JAK1: variants seen among roughly 807,000 people sequenced by gnomAD.
JAK1 encodes the protein tyrosine-protein kinase JAK1.
JAK1 carries 16 observed loss-of-function variants against 136.6 expected under a neutral mutation model. The ratio of observed to expected loss-of-function variants is 0.12; its 90% CI spans 0.08 to 0.18. The LOEUF (loss-of-function observed/expected upper bound fraction) is 0.18. JAK1 is among the 10% of genes least tolerant of loss of function. The pLI is 1.00. For missense variants in JAK1, 859 were observed against 1,450.1 expected, an observed-to-expected ratio of 0.59 and a Z score of 6.62; for synonymous variants, 492 against 519.5, an observed-to-expected ratio of 0.95 and a Z score of 0.72.
intron 1 of JAK1, among the ~76,000 whole-genome samples, chr1:64,926,641 C>A (rs1397412885): frequency 6.6e-6 from 1 of 152,126 alleles, no homozygotes; most frequent in African/African-American, 2.4e-5. Flanking sequence ...CCATTCTATA[C>A]ACATTTTGTT....
At position 64,844,612 on chromosome 1, in the gene JAK1, C is replaced by T. The variant is rs1016367566; in HGVS notation, c.2251+142G>A. 3.1e-6 allele frequency: 3 copies of T among 980,440 alleles called. No individual in the cohort carries two copies. The Admixed American group carries it at 7.4e-5, about 24-fold the overall frequency. The allele number at this position is 980,440 out of a possible 1,614,324, so 60.7% of individuals were successfully genotyped here. On this transcript the variant is annotated intron_variant, in intron 16 of 24. Coordinates refer to ENST00000342505, the MANE Select transcript of JAK1 (RefSeq NM_002227.4). The surrounding 1 kb of genome is among the most constrained non-coding windows in gnomAD (Gnocchi z 5.7). Reference sequence around the variant, plus strand: ...AGGCAGGAGATCAAGACCATCCTGGCCAACATGGTGAAACCCCGTCTCTAC... The same window carrying T: ...AGGCAGGAGATCAAGACCATCCTGGTCAACATGGTGAAACCCCGTCTCTAC...
chr1:64,930,035 G>T (rs1007289378), intron 1 of JAK1, among the ~76,000 whole-genome samples: 2 of 152,154 alleles, frequency 1.3e-5, no homozygotes, highest in Non-Finnish European at 2.9e-5. Context: ...ATTAACTCAA[G>T]ACGGATTAAA....
intron 2 of JAK1, among the ~76,000 whole-genome samples, chr1:64,999,540 C>T (rs1388333625): frequency 6.6e-6 from 1 of 152,144 alleles, no homozygotes; most frequent in Non-Finnish European, 1.5e-5. Flanking sequence ...GAGCTCGAGA[C>T]CAGCCTGGGC....
At chr1:64,937,430 C>A (rs574923531) in intron 1 of JAK1, among the ~76,000 whole-genome samples, 4 of 152,226 alleles carry the variant, frequency 2.6e-5, no homozygotes, top group Non-Finnish European at 5.9e-5. Flanking sequence ...ATACTAATTC[C>A]GAAAGAAGTT....
chr1:64,952,104 T>C (rs1262687759), intron 1 of JAK1, among the ~76,000 whole-genome samples: 1 of 152,180 alleles, frequency 6.6e-6, no homozygotes, highest in East Asian at 1.9e-4. Context: ...TGAAACGCTA[T>C]ACATTTGCCC....
At chr1:64,915,114 T>C (rs1356997114) in intron 1 of JAK1, among the ~76,000 whole-genome samples, 3 of 152,094 alleles carry the variant, frequency 2.0e-5, no homozygotes, top group African/African-American at 4.8e-5. Context: ...ATTGTGAAGG[T>C]AAATGAGGCA....
chr1:64,871,874 G>A (rs1253848796), intron 5 of JAK1, among the ~76,000 whole-genome samples: 3 of 152,180 alleles, frequency 2.0e-5, no homozygotes, highest in Non-Finnish European at 2.9e-5. Context: ...CTTTCCACGT[G>A]TAACAAGAAT....
In JAK1 at chr1:64,844,563, G is replaced by A. The variant is rs1487186600; in HGVS notation, c.2251+191C>T. On this transcript the variant is annotated intron_variant, in intron 16 of 24. Transcript: ENST00000342505. The surrounding 1 kb of genome is among the most constrained non-coding windows in gnomAD (Gnocchi z 5.7). ...TCACCCAGGGCAGGAGGACGAACGG[G>A]GGCTCGTTCAAGGACTTAAGAGAAG... 6.6e-6 allele frequency among the ~76,000 whole-genome samples: 1 copy of A among 152,122 alleles called. No homozygotes were observed. The highest frequency in any genetic ancestry group is 1.5e-5 in the Non-Finnish European group (1 of 68,024).
At chr1:64,841,197 T>C (rs1216353376) in intron 19 of JAK1, 48 bp downstream of exon 19, 4 of 1,316,102 alleles carry the variant, frequency 3.0e-6, no homozygotes, top group East Asian at 2.3e-5. Context: ...GCGCTGTGGA[T>C]GGCGGAGGGC....
Position 65,048,983 on chromosome 1 carries a change from C to T in JAK1, c.-180-4401G>A, listed in dbSNP as rs1412147786. 8.5e-5 allele frequency among the ~76,000 whole-genome samples: 13 copies of T among 152,290 alleles called. No homozygotes were observed. In the East Asian group the frequency reaches 2.5e-3, roughly 29 times the overall value. On this transcript the variant is annotated intron_variant, in intron 1 of 25. Coordinates refer to the JAK1 transcript ENST00000671954. The stretch of plus-strand genomic sequence containing the variant: ...CATTTATTGGTGTTAGTACCTTGTC[C>T]ACTATCCACCCCTAAGGCAACGGGA...
intron 8 of JAK1, among the ~76,000 whole-genome samples, chr1:64,864,059 G>GT (rs1241896792): frequency 4.6e-5 from 7 of 152,154 alleles, no homozygotes; most frequent in African/African-American, 1.7e-4. Flanking sequence ...GCCCTAAACC[G>GT]TATCACCAGG....
chr1:64,913,703 A>AAGGAAGGAAGGAAGGAAGGAAGGAAG (rs1306900538), intron 1 of JAK1, among the ~76,000 whole-genome samples: 2 of 13,658 alleles, frequency 1.5e-4, no homozygotes, highest in African/African-American at 2.3e-4. Flanking sequence ...AAGGAAGGAA[A>AAGGAAGGAAGGAAGGAAGGAAGGAAG]GAAGGGAGGG....
chr1:64,876,641 C>T (rs181932808), intron 4 of JAK1, among the ~76,000 whole-genome samples: 1 of 152,240 alleles, frequency 6.6e-6, no homozygotes, highest in African/African-American at 2.4e-5. Flanking sequence ...AGACATTCCA[C>T]ACACCTTTTT....
At chr1:64,881,957 A>G (rs932569042) in intron 3 of JAK1, among the ~76,000 whole-genome samples, 1 of 152,254 alleles carries the variant, frequency 6.6e-6, no homozygotes. Flanking sequence ...CCTTAAAAAA[A>G]ACTTTAGAAC....
At chr1:64,951,379 A>C (rs1646083949) in intron 1 of JAK1, among the ~76,000 whole-genome samples, 1 of 152,196 alleles carries the variant, frequency 6.6e-6, no homozygotes, top group Non-Finnish European at 1.5e-5. Context: ...AAATATATCA[A>C]GCATACAGAA....
chr1:64,939,478 T>C (rs1342174205), intron 1 of JAK1, among the ~76,000 whole-genome samples: 3 of 152,240 alleles, frequency 2.0e-5, no homozygotes, highest in Non-Finnish European at 2.9e-5. Flanking sequence ...CATGGCTTAC[T>C]GGTAAAATGC....
intron 10 of JAK1, among the ~76,000 whole-genome samples, chr1:64,856,408 T>A (rs996061585): frequency 6.6e-6 from 1 of 152,192 alleles, no homozygotes; most frequent in Admixed American, 6.5e-5. Context: ...CTACCTAATA[T>A]GGCTATTACA....
At chr1:64,999,094 T>C (rs1175936422) in intron 2 of JAK1, among the ~76,000 whole-genome samples, 1 of 152,196 alleles carries the variant, frequency 6.6e-6, no homozygotes, top group East Asian at 1.9e-4. Context: ...TCAGGAATGA[T>C]TTTTGGGGTC....
chr1:65,021,268 G>T (rs528676081), intron 2 of JAK1, among the ~76,000 whole-genome samples: 1 of 152,306 alleles, frequency 6.6e-6, no homozygotes, highest in East Asian at 1.9e-4. Flanking sequence ...TAAAATACAA[G>T]GTTTGGGGAG....
Sources: allele counts gnomAD v4.1 joint callset (sites outside exome capture counted in the v4.1 genomes callset), GRCh38; gene constraint gnomAD v4.1.1; non-coding constraint Gnocchi (gnomAD v3.1); transcripts MANE v1.5; gene names NCBI Gene and HGNC (gene_info 2026-07-23, HGNC 2026-07-21).